PBX1: variants seen among roughly 807,000 people sequenced by gnomAD.
PBX1 encodes the protein PBX homeobox 1, also known as pre-B-cell leukemia transcription factor 1.
A neutral mutation model predicts 53.4 loss-of-function variants in PBX1; 6 were observed. That is an observed-to-expected ratio of 0.11 (90% confidence interval 0.06 to 0.22). The LOEUF is 0.22. PBX1 is among the 10% of genes least tolerant of loss of function. The pLI is 1.00. For missense variants in PBX1, 251 were observed against 551.4 expected (o/e 0.46, Z 5.46); for synonymous variants, 204 against 212.3 (o/e 0.96, Z 0.34).
chr1:164,835,137 A>T (rs1571499959), intron 8 of PBX1, among the ~76,000 whole-genome samples: 1 of 152,154 alleles, frequency 6.6e-6, no homozygotes, highest in Non-Finnish European at 1.5e-5. Flanking sequence ...CATTCTTCTC[A>T]AGCATAACTT....
chr1:164,752,260 G>GAT (rs1266712519), intron 2 of PBX1, among the ~76,000 whole-genome samples: 1 of 146,950 alleles, frequency 6.8e-6, no homozygotes, highest in Non-Finnish European at 1.5e-5. Flanking sequence ...TCAGTGCTTA[G>GAT]ATATGCAGGT....
At chr1:164,606,506 G>T (rs902045262) in intron 2 of PBX1, among the ~76,000 whole-genome samples, 1 of 152,180 alleles carries the variant, frequency 6.6e-6, no homozygotes, top group South Asian at 2.1e-4. Context: ...AACCTGGGAG[G>T]CGAAGGTTTC....
intron 2 of PBX1, among the ~76,000 whole-genome samples, chr1:164,662,798 G>A (rs1464567460): frequency 6.6e-6 from 1 of 151,562 alleles, no homozygotes; most frequent in Non-Finnish European, 1.5e-5. Context: ...ATCATTCTAT[G>A]TCATTATGTG....
chr1:164,752,086 G>T (rs1666261600), intron 2 of PBX1, among the ~76,000 whole-genome samples: 1 of 151,936 alleles, frequency 6.6e-6, no homozygotes, highest in Non-Finnish European at 1.5e-5. Context: ...TCATAGGTTT[G>T]GCAAAGTCAC....
At chr1:164,582,801 GT>G (rs1654707722) in intron 2 of PBX1, among the ~76,000 whole-genome samples, 1 of 152,090 alleles carries the variant, frequency 6.6e-6, no homozygotes, top group Non-Finnish European at 1.5e-5. Flanking sequence ...TATATTTCAT[GT>G]TTTACCATAG....
intron 2 of PBX1, among the ~76,000 whole-genome samples, chr1:164,879,637 C>G (rs1456492195): frequency 6.6e-6 from 1 of 152,104 alleles, no homozygotes; most frequent in Non-Finnish European, 1.5e-5. Flanking sequence ...ATGGGATCAC[C>G]AAGGGAGCAT....
intron 2 of PBX1, among the ~76,000 whole-genome samples, chr1:164,652,353 C>G (rs1488034862): frequency 6.6e-6 from 1 of 152,172 alleles, no homozygotes. Flanking sequence ...TCACTCCACC[C>G]CAATTTGGAA....
intron 2 of PBX1, among the ~76,000 whole-genome samples, chr1:164,782,397 G>GAATC (rs2102277649): frequency 6.6e-6 from 1 of 152,322 alleles, no homozygotes; most frequent in East Asian, 1.9e-4. Context: ...TATTGGGAAG[G>GAATC]AATCCTGGTC....
chr1:164,600,045 T>A (rs1483918812), intron 2 of PBX1, among the ~76,000 whole-genome samples: 1 of 152,114 alleles, frequency 6.6e-6, no homozygotes, highest in East Asian at 1.9e-4. Context: ...GCACCTGTCC[T>A]AATGTTGAGT....
At chr1:164,624,400 G>A (rs549593816) in intron 2 of PBX1, among the ~76,000 whole-genome samples, 4 of 152,266 alleles carry the variant, frequency 2.6e-5, no homozygotes, top group Admixed American at 2.0e-4. Flanking sequence ...ACAAGGAGTG[G>A]TATGTGTAAA....
downstream of PBX1, among the ~76,000 whole-genome samples, chr1:164,856,553 T>C (rs534882119): frequency 2.0e-5 from 3 of 152,334 alleles, no homozygotes; most frequent in African/African-American, 4.8e-5. Context: ...TAATGCTTCA[T>C]AGGCGGAGTC....
At chr1:164,590,359 G>C (rs774648111) in intron 2 of PBX1, 5 of 455,898 alleles carry the variant, frequency 1.1e-5, no homozygotes, top group South Asian at 6.2e-5. Flanking sequence ...CATGCTCCTT[G>C]TTTTCTTTGT....
At chr1:164,807,187 G>A (rs963797333) in intron 4 of PBX1, among the ~76,000 whole-genome samples, 1 of 152,160 alleles carries the variant, frequency 6.6e-6, no homozygotes, top group African/African-American at 2.4e-5. Context: ...AACCCAGGAG[G>A]TGGAGGTTCC....
At chr1:164,753,457 T>C (rs1055240417) in intron 2 of PBX1, among the ~76,000 whole-genome samples, 3 of 152,238 alleles carry the variant, frequency 2.0e-5, no homozygotes, top group African/African-American at 7.2e-5. Flanking sequence ...TTTCTCATTA[T>C]TTTGTGTCAG....
intron 2 of PBX1, among the ~76,000 whole-genome samples, chr1:164,758,552 G>A (rs556776886): frequency 6.6e-6 from 1 of 152,236 alleles, no homozygotes; most frequent in Non-Finnish European, 1.5e-5. Context: ...TCATGCTCAG[G>A]TGGAAGCTGC....
downstream of PBX1, among the ~76,000 whole-genome samples, chr1:164,856,789 G>A (rs908202905): frequency 6.6e-6 from 1 of 152,012 alleles, no homozygotes; most frequent in Non-Finnish European, 1.5e-5. Flanking sequence ...CACCTTTTCT[G>A]TTCGCACCTA....
At chr1:164,610,697 G>C (rs752267087) in intron 2 of PBX1, among the ~76,000 whole-genome samples, 18 of 152,196 alleles carry the variant, frequency 1.2e-4, no homozygotes, top group Non-Finnish European at 2.4e-4. Context: ...TGTCCTAAAT[G>C]ATCACAGGGC....
chr1:164,653,146 C>T (rs1178188877), intron 2 of PBX1, among the ~76,000 whole-genome samples: 1 of 151,984 alleles, frequency 6.6e-6, no homozygotes, highest in East Asian at 1.9e-4. Context: ...GCATTAGAGG[C>T]GTGACCCACC....
chr1:164,767,855 A>T (rs1667145381), intron 2 of PBX1, among the ~76,000 whole-genome samples: 1 of 152,200 alleles, frequency 6.6e-6, no homozygotes, highest in Non-Finnish European at 1.5e-5. Context: ...CTGGACAATT[A>T]AGCAAAACAT....
Sources: gnomAD v4.1 joint callset for allele counts (sites outside exome capture counted in the v4.1 genomes callset) on GRCh38, gnomAD v4.1.1 for gene constraint, MANE v1.5 for transcripts, NCBI Gene and HGNC (gene_info 2026-07-23, HGNC 2026-07-21) for gene names.